Variants in CLN6 observed in about 807,000 individuals in gnomAD.
CLN6 encodes the protein ceroid-lipofuscinosis neuronal protein 6.
Under a neutral mutation model 33.3 loss-of-function variants are expected in CLN6, and 22 were observed. That is an observed-to-expected ratio of 0.66 (90% CI 0.47 to 0.94). CLN6 has a LOEUF of 0.94. CLN6 is among the 40% of genes least tolerant of loss of function. The pLI is 0.00. For missense variants in CLN6, 387 were observed against 417.1 expected, an observed-to-expected ratio of 0.93 and a Z score of 0.63; for synonymous variants, 201 against 174.6, an observed-to-expected ratio of 1.15 and a Z score of -1.19.
intron 1 of CLN6, among the ~76,000 whole-genome samples, chr15:68,244,891 T>TAAAAATATAAAA (rs1361640707): frequency 1.3e-5 from 2 of 151,900 alleles, no homozygotes; most frequent in Non-Finnish European, 2.9e-5. Context: ...CTGTCTCTAC[T>TAAAAATATAAAA]AAAAATATAA....
At position 68,242,710 on chromosome 15, in the gene CLN6, C is replaced by T. The variant is rs1264613844; in HGVS notation, c.179+13980G>A. On this transcript the variant is annotated intron_variant, in intron 1 of 6. Transcript: ENST00000538696. This position sits in a 1 kb window ranked among gnomAD's most constrained non-coding sequence, Gnocchi z 5.0. ...AAATAAAATGTCTTGAAAGTGTAGA[C>T]ATTTGGTTTAAATTAAGGTCAGATA... is the stretch of plus-strand genomic sequence containing the variant. 6.6e-6 allele frequency among the ~76,000 whole-genome samples: 1 copy of T among 152,096 alleles called. No homozygotes were observed. Among genetic ancestry groups the T allele is most frequent in the African/African-American group, 2.4e-5 (1 of 41,404 alleles).
chr15:68,244,968 C>G (rs995865800), intron 1 of CLN6, among the ~76,000 whole-genome samples: 6 of 139,652 alleles, frequency 4.3e-5, no homozygotes, highest in African/African-American at 1.6e-4. Flanking sequence ...GCAGGAGAAT[C>G]ACTGGGTTGC....
intron 1 of CLN6, among the ~76,000 whole-genome samples, chr15:68,225,056 G>A (rs760354723): frequency 3.3e-5 from 5 of 151,778 alleles, no homozygotes; most frequent in East Asian, 1.9e-4. Flanking sequence ...CAAGTCAAGC[G>A]GTAACCCACA....
intron 1 of CLN6, among the ~76,000 whole-genome samples, chr15:68,240,665 T>C (rs1334948876): frequency 6.7e-6 from 1 of 149,016 alleles, no homozygotes; most frequent in African/African-American, 2.5e-5. Context: ...AATAGATAAA[T>C]GTTGGGCAAG....
intron 1 of CLN6, among the ~76,000 whole-genome samples, chr15:68,237,189 A>C (rs965411373): frequency 5.6e-5 from 8 of 141,686 alleles, no homozygotes; most frequent in Non-Finnish European, 1.1e-4. Flanking sequence ...AAAAAAAAAA[A>C]CTGAATGGAG....
chr15:68,230,536 G>A (rs2093266757), upstream of CLN6, among the ~76,000 whole-genome samples: 1 of 152,190 alleles, frequency 6.6e-6, no homozygotes, highest in Non-Finnish European at 1.5e-5. This position sits in a 1 kb window ranked among gnomAD's most constrained non-coding sequence, Gnocchi z 4.0. Context: ...ACAGCCTGCA[G>A]GGCAGATTGC....
chr15:68,225,785 C>T (rs1205206478), intron 1 of CLN6, among the ~76,000 whole-genome samples: 1 of 151,832 alleles, frequency 6.6e-6, no homozygotes, highest in Non-Finnish European at 1.5e-5. Context: ...CCAGCCTGGC[C>T]AACACGGTGA....
intron 1 of CLN6, among the ~76,000 whole-genome samples, chr15:68,235,014 CTAAAACAAAACAAAAAAAGAA>C (rs896306013): frequency 1.3e-5 from 2 of 152,032 alleles, no homozygotes; most frequent in Non-Finnish European, 2.9e-5. Flanking sequence ...GAGATTCTGT[CTAAAACAAAACAAAAAAAGAA>C]TAAAACAAAA....
chr15:68,257,168 C>T, upstream of CLN6: 1 of 291,556 alleles, frequency 3.4e-6, no homozygotes, highest in Non-Finnish European at 6.3e-6. Flanking sequence ...GGCAGCGGAA[C>T]GCACGCGCCC....
At chr15:68,212,748 T>C (rs35873920) in intron 3 of CLN6, 83,290 of 152,084 alleles carry the variant, frequency 0.55, 23,356 homozygotes, top group African/African-American at 0.61. Flanking sequence ...TGGCCTCAAG[T>C]GATCCTCCTG....
chr15:68,216,184 T>C lies in CLN6; in HGVS notation c.199-1796A>G, dbSNP rs139170367. On this transcript the variant is annotated intron_variant, in intron 2 of 6. Transcript: ENST00000249806. ...CCAGTAGAAGCTGGGTCCTAGTGAG[T>C]GAAGGGAGCCACGAGCCCACTCCTG... Among the ~76,000 whole-genome samples, 1,142 of 152,132 alleles carry C rather than the reference T, an allele frequency of 7.5e-3. 13 individuals carry two copies. The highest frequency in any genetic ancestry group is 0.026 in the African/African-American group (1,075 of 41,490).
chr15:68,245,210 T>C (rs1892318607), intron 1 of CLN6, among the ~76,000 whole-genome samples: 1 of 151,616 alleles, frequency 6.6e-6, no homozygotes, highest in Non-Finnish European at 1.5e-5. Context: ...AAATAAGTTA[T>C]CGGTTTTTTT....
chr15:68,208,174 G>T lies in CLN6; in HGVS notation c.902C>A (p.Ala301Asp). 7.0e-7 allele frequency: 1 copy of T among 1,437,012 alleles called. No individual in the cohort carries two copies. Among genetic ancestry groups the T allele is most frequent in the Non-Finnish European group, 9.4e-7 (1 of 1,067,934 alleles). The allele number at this position is 1,437,012 out of a possible 1,614,324, so 89.0% of individuals were successfully genotyped here. The stretch of plus-strand genomic sequence containing the variant: ...ACTGCTGACGTGAAGGGTGTAGAAA[G>T]CCCAGGGCTCAGGGACGTAGATGAC... ...PGVIYVPEPW[A>D]FYTLHVSSRH Residue 301 changes from alanine (A) to aspartate (D), a missense_variant, in exon 7 of 7, where the codon GCT becomes GAT. Coordinates refer to ENST00000249806, the MANE Select transcript of CLN6 (RefSeq NM_017882.3). This position sits in a 1 kb window ranked among gnomAD's most constrained non-coding sequence, Gnocchi z 5.8.
At chr15:68,222,891 G>A (rs899359535) in intron 1 of CLN6, among the ~76,000 whole-genome samples, 1 of 152,162 alleles carries the variant, frequency 6.6e-6, no homozygotes, top group African/African-American at 2.4e-5. Context: ...TAAGGGTGGT[G>A]CAAGATGTGC....
In CLN6 at chr15:68,249,427, C is replaced by G. The variant is rs78832280; in HGVS notation, c.179+7263G>C. 3.3e-5 allele frequency among the ~76,000 whole-genome samples: 5 copies of G among 152,156 alleles called. No individual in the cohort carries two copies. The South Asian group carries it at 1.0e-3, about 32-fold the overall frequency. ...CCAAAATATGGAATCAACCTAAGTGCCCATCAACTGAATGTATGGATAAAG... is the reference window on the plus strand; with the variant it reads ...CCAAAATATGGAATCAACCTAAGTGGCCATCAACTGAATGTATGGATAAAG... On this transcript the variant is annotated intron_variant, in intron 1 of 6. Coordinates refer to the CLN6 transcript ENST00000538696.
chr15:68,257,197 C>T (rs1466053228), upstream of CLN6: 5 of 226,640 alleles, frequency 2.2e-5, no homozygotes, highest in Non-Finnish European at 4.3e-5. Flanking sequence ...TGAGGGCTTG[C>T]GCCAGCCCCA....
At chr15:68,254,856 CCAAA>C in intron 1 of CLN6, 2 of 1,127,582 alleles carry the variant, frequency 1.8e-6, no homozygotes, top group East Asian at 2.3e-5. Context: ...ATGGAGATGC[CCAAA>C]CAGACCAGAC....
intron 1 of CLN6, among the ~76,000 whole-genome samples, chr15:68,245,966 CAAAG>C (rs1164960348): frequency 2.6e-5 from 4 of 151,974 alleles, no homozygotes; most frequent in Non-Finnish European, 5.9e-5. Context: ...TAAAAAGTGA[CAAAG>C]AAGATCAATA....
chr15:68,231,741 G>A (rs114666773), upstream of CLN6, among the ~76,000 whole-genome samples: 2 of 152,334 alleles, frequency 1.3e-5, no homozygotes, highest in East Asian at 1.9e-4. Context: ...TCTGGAGTCC[G>A]CTGCTACCCC....
Sources: allele counts gnomAD v4.1 joint callset (sites outside exome capture counted in the v4.1 genomes callset), GRCh38; gene constraint gnomAD v4.1.1; non-coding constraint Gnocchi (gnomAD v3.1); transcripts MANE v1.5; gene names NCBI Gene and HGNC (gene_info 2026-07-23, HGNC 2026-07-21).